Variants in ROBO1 observed in about 807,000 individuals in gnomAD.
ROBO1 encodes the protein roundabout guidance receptor 1, also known as roundabout homolog 1.
In ROBO1, 149 loss-of-function variants were observed where a neutral mutation model predicts 195.9. The ratio of observed to expected loss-of-function variants is 0.76; its 90% CI spans 0.67 to 0.87. The LOEUF is 0.87. ROBO1 is among the 40% of genes least tolerant of loss of function. The pLI, the probability that ROBO1 is intolerant of heterozygous loss-of-function variation, is 0.00. For missense variants in ROBO1, 1,933 were observed against 2,068.3 expected (o/e 0.93, Z 1.27); for synonymous variants, 816 against 733.2 (o/e 1.11, Z -1.82).
At chr3:79,513,324 A>AGAAGTATGTT (rs1432529228) in intron 2 of ROBO1, among the ~76,000 whole-genome samples, 1 of 152,104 alleles carries the variant, frequency 6.6e-6, no homozygotes, top group African/African-American at 2.4e-5. Context: ...ATATATCTAT[A>AGAAGTATGTT]AATAGAAGTA....
chr3:79,575,166 T>TATATATAAATATATATAAC (rs1156641374), intron 2 of ROBO1, among the ~76,000 whole-genome samples: 21 of 119,092 alleles, frequency 1.8e-4, no homozygotes, highest in African/African-American at 6.4e-4. Flanking sequence ...ATATAACAAA[T>TATATATAAATATATATAAC]ATATATAAAT....
At chr3:78,925,203 T>C (rs1258353181) in intron 4 of ROBO1, among the ~76,000 whole-genome samples, 1 of 152,182 alleles carries the variant, frequency 6.6e-6, no homozygotes, top group Non-Finnish European at 1.5e-5. Context: ...CATCAATGCA[T>C]ATTCCCCTTT....
At chr3:78,637,677 T>G (rs529199536) in intron 22 of ROBO1, among the ~76,000 whole-genome samples, 10 of 152,194 alleles carry the variant, frequency 6.6e-5, no homozygotes, top group Admixed American at 3.9e-4. Context: ...CTCAACCCAG[T>G]TTTTCTTGTA....
chr3:79,517,718 C>T (rs1056716737), intron 2 of ROBO1, among the ~76,000 whole-genome samples: 4 of 151,978 alleles, frequency 2.6e-5, no homozygotes, highest in Non-Finnish European at 4.4e-5. Context: ...CTTGTATGGC[C>T]CAAGGTAGCT....
chr3:79,268,170 A>G (rs1363549660), intron 2 of ROBO1, among the ~76,000 whole-genome samples: 1 of 151,662 alleles, frequency 6.6e-6, no homozygotes, highest in East Asian at 1.9e-4. Context: ...AACAAATGTC[A>G]TCCTTCACTT....
intron 5 of ROBO1, among the ~76,000 whole-genome samples, chr3:78,733,246 T>G (rs2082321736): frequency 6.6e-6 from 1 of 152,134 alleles, no homozygotes; most frequent in Non-Finnish European, 1.5e-5. Flanking sequence ...AAAGGAAATC[T>G]CAATCCCCTG....
intron 4 of ROBO1, among the ~76,000 whole-genome samples, chr3:78,854,318 T>C (rs1469251896): frequency 6.8e-6 from 1 of 148,050 alleles, no homozygotes; most frequent in Non-Finnish European, 1.5e-5. Context: ...ATAATTTTTA[T>C]TAGTATATAT....
At chr3:78,710,391 T>G (rs1410240970) in intron 8 of ROBO1, among the ~76,000 whole-genome samples, 1 of 152,240 alleles carries the variant, frequency 6.6e-6, no homozygotes. Context: ...TAAATTGTCA[T>G]GACAATATTA....
chr3:79,670,071 C>G (rs959074534), intron 1 of ROBO1, among the ~76,000 whole-genome samples: 1 of 151,730 alleles, frequency 6.6e-6, no homozygotes, highest in Non-Finnish European at 1.5e-5. Context: ...CTGAAGTAAG[C>G]AAGCAAATTT....
chr3:78,801,636 G>A (rs1369248993), intron 4 of ROBO1, among the ~76,000 whole-genome samples: 7 of 152,068 alleles, frequency 4.6e-5, no homozygotes, highest in Non-Finnish European at 8.8e-5. Context: ...TAGATAATTA[G>A]GTAGCAAATA....
intron 4 of ROBO1, among the ~76,000 whole-genome samples, chr3:78,904,298 A>T (rs1307726005): frequency 6.6e-6 from 1 of 152,144 alleles, no homozygotes; most frequent in Non-Finnish European, 1.5e-5. Flanking sequence ...ATAGGTGCTC[A>T]TATAACTAAT....
At chr3:79,609,234 C>T (rs1314969834) in intron 1 of ROBO1, among the ~76,000 whole-genome samples, 1 of 151,538 alleles carries the variant, frequency 6.6e-6, no homozygotes, top group Admixed American at 6.6e-5. Flanking sequence ...CCATTTTCTA[C>T]CACAAGTTGA....
chr3:78,859,728 A>C (rs184538384), intron 4 of ROBO1, among the ~76,000 whole-genome samples: 2 of 152,130 alleles, frequency 1.3e-5, no homozygotes, highest in African/African-American at 4.8e-5. Flanking sequence ...GCTGGGCCTC[A>C]GTATGTGATA....
intron 8 of ROBO1, among the ~76,000 whole-genome samples, chr3:78,696,299 G>C (rs2081288685): frequency 6.6e-6 from 1 of 152,094 alleles, no homozygotes; most frequent in South Asian, 2.1e-4. Context: ...TTCTTGCTAA[G>C]AGAGGGGAAA....
chr3:79,627,945 T>C (rs1454398361), intron 1 of ROBO1, among the ~76,000 whole-genome samples: 1 of 152,154 alleles, frequency 6.6e-6, no homozygotes, highest in Non-Finnish European at 1.5e-5. Context: ...CACAGTGAGA[T>C]ACTGTCTCAC....
chr3:79,408,199 C>G (rs1381024890), intron 2 of ROBO1, among the ~76,000 whole-genome samples: 1 of 150,328 alleles, frequency 6.7e-6, no homozygotes, highest in Non-Finnish European at 1.5e-5. Flanking sequence ...GTCTGGTCAA[C>G]AAGAGTGAAA....
At chr3:79,108,423 C>G (rs2079824667) in intron 3 of ROBO1, among the ~76,000 whole-genome samples, 2 of 151,590 alleles carry the variant, frequency 1.3e-5, no homozygotes, top group South Asian at 4.2e-4. Context: ...CACATTCATA[C>G]CAGTACTTCC....
chr3:79,061,073 A>G (rs2078908567), intron 3 of ROBO1, among the ~76,000 whole-genome samples: 1 of 152,208 alleles, frequency 6.6e-6, no homozygotes, highest in South Asian at 2.1e-4. Context: ...CCCTGTTTGC[A>G]GATGACATGA....
At chr3:79,294,982 G>A (rs189867766) in intron 2 of ROBO1, among the ~76,000 whole-genome samples, 8 of 152,126 alleles carry the variant, frequency 5.3e-5, no homozygotes, top group Non-Finnish European at 1.2e-4. Flanking sequence ...AAATAGGAAC[G>A]TTTTTACACT....
Sources: gnomAD v4.1 joint callset for allele counts (sites outside exome capture counted in the v4.1 genomes callset) on GRCh38, gnomAD v4.1.1 for gene constraint, MANE v1.5 for transcripts, NCBI Gene and HGNC (gene_info 2026-07-23, HGNC 2026-07-21) for gene names.